The following NOTCH3 variants were observed in gnomAD, a reference collection of about 807,000 sequenced individuals.
NOTCH3 encodes the protein notch receptor 3, also known as neurogenic locus notch homolog protein 3.
NOTCH3 carries 86 observed loss-of-function variants against 213.3 expected under a neutral mutation model. The ratio of observed to expected loss-of-function variants is 0.40; its 90% CI spans 0.34 to 0.48. The LOEUF is 0.48. Among genes scored for constraint, NOTCH3 ranks in the 20% least tolerant of loss-of-function variants. NOTCH3 has a pLI of 0.57. For synonymous variants in NOTCH3, 1,354 were observed against 1,355.9 expected, an observed-to-expected ratio of 1.00 and a Z score of 0.03; for missense variants, 2,783 against 3,272.6, an observed-to-expected ratio of 0.85 and a Z score of 3.65.
At chr19:15,181,499 C>A in intron 17 of NOTCH3, 77 bp downstream of exon 17, 1 of 1,239,000 alleles carries the variant, frequency 8.1e-7, no homozygotes, top group South Asian at 1.3e-5. Context: ...CAAGTCGTTG[C>A]TGTCCCCACT....
intron 32 of NOTCH3, among the ~76,000 whole-genome samples, chr19:15,161,967 CTT>C (rs934794716): frequency 1.4e-5 from 2 of 138,834 alleles, no homozygotes; most frequent in South Asian, 2.3e-4. Context: ...TTAGGCATAA[CTT>C]TTTTTTTCTT....
In NOTCH3 at chr19:15,193,686, G is replaced by T. The variant is rs1350780927; in HGVS notation, c.198-1167C>A. 2.0e-5 allele frequency among the ~76,000 whole-genome samples: 3 copies of T among 148,796 alleles called. No individual in the cohort carries two copies. In the Admixed American group the frequency reaches 2.1e-4, roughly 10 times the overall value. ...CTCTGGAGGCTGAGGCAGGAGAATC[G>T]CTTGAACCCAGGAGGCGGAGGTTGC... On this transcript the variant is annotated intron_variant, in intron 2 of 32. Coordinates refer to ENST00000263388, the MANE Select transcript of NOTCH3 (RefSeq NM_000435.3).
In NOTCH3 at chr19:15,169,759, C is replaced by G. The variant is rs73506334; in HGVS notation, c.5199+327G>C. 1.3e-3 allele frequency among the ~76,000 whole-genome samples: 197 copies of G among 152,292 alleles called. 1 individual carries two copies. Among genetic ancestry groups the G allele is most frequent in the African/African-American group, 4.5e-3 (186 of 41,548 alleles). On this transcript the variant is annotated intron_variant, in intron 28 of 32. Coordinates refer to ENST00000263388, the MANE Select transcript of NOTCH3 (RefSeq NM_000435.3). ...GGAACTGACAGAGATAAGGCAGACT[C>G]GCTCTCTGGGCTGGGGGGACACCTC...
Position 15,191,946 on chromosome 19 carries a change from T to C in NOTCH3, c.679+14A>G. The C allele has an allele frequency of 6.2e-7, 1 of 1,613,442 alleles. No homozygotes were observed. Among genetic ancestry groups the C allele is most frequent in the Non-Finnish European group, 8.5e-7 (1 of 1,180,004 alleles). On this transcript the variant is annotated intron_variant, in intron 4 of 32. Transcript: ENST00000263388. ...CGCCCACCCCTCTGACTCTCCTGAG[T>C]AGGGCTCACTCACCAGGAAGACAGG...
rs1356104476 is a variant in NOTCH3 at position 15,177,729 on chromosome 19, C to A, written c.4199G>T (p.Arg1400Leu). The change falls in exon 24 of 33, where the codon CGC (arginine) becomes CTC (leucine). Residue 1400 changes from arginine (R) to leucine (L), a missense_variant. Around this residue, in one of 6 missense-constraint regions of NOTCH3, gnomAD observed 133 missense variants for 201.9 expected, o/e 0.66. Coordinates refer to ENST00000263388, the MANE Select transcript of NOTCH3 (RefSeq NM_000435.3). The part of the protein sequence containing the change: ...AACQAKRGDQ[R>L]CDRECNSPGC... ...TGGGCTGTTGCACTCGCGGTCGCAG[C>A]GCTGGTCCCCGCGCTTGGCCTGGCA... 16 of 1,508,276 alleles carry A rather than the reference C, an allele frequency of 1.1e-5. No homozygotes were observed. The highest frequency in any genetic ancestry group is 1.3e-5 in the Non-Finnish European group (15 of 1,135,090). 93.4% of individuals were successfully genotyped at this position (1,508,276 alleles called of 1,614,324 possible).
intron 2 of NOTCH3, among the ~76,000 whole-genome samples, 194 bp from the exon 3 acceptor site, chr19:15,192,713 A>G (rs1426331071): frequency 6.6e-6 from 1 of 152,170 alleles, no homozygotes; most frequent in Non-Finnish European, 1.5e-5. Flanking sequence ...TCAGGAGTTC[A>G]AGACCAGCCT....
chr19:15,161,473 C>T lies in NOTCH3; in HGVS notation c.6155G>A (p.Gly2052Asp), dbSNP rs2145382941. The T allele has an allele frequency of 6.3e-7, 1 of 1,576,026 alleles. No homozygotes were observed. Among genetic ancestry groups the T allele is most frequent in the Non-Finnish European group, 8.6e-7 (1 of 1,160,564 alleles). ...LLCPPGAFLP[G>D]LKAAQSGSKK... ...GGACCCCGACTGTGCCGCTTTGAGG[C>T]CAGGGAGGAAGGCCCCTGGAGGACA... Residue 2052 changes from glycine (G) to aspartate (D), a missense_variant, in exon 33 of 33, where the codon GGC becomes GAC. Physicochemically the swap from Gly to Asp is moderately conservative, Grantham distance 94. This residue lies in a region of NOTCH3 where 441 missense variants were observed against 432.1 expected (regional missense o/e 1.02). Transcript: ENST00000263388.
chr19:15,186,446 C>A (rs2046882486), intron 12 of NOTCH3, among the ~76,000 whole-genome samples: 1 of 150,458 alleles, frequency 6.6e-6, no homozygotes, highest in Non-Finnish European at 1.5e-5. Flanking sequence ...ACTCTGTCGC[C>A]CAGACTGGAG....
Position 15,170,522 on chromosome 19 carries a change from G to C in NOTCH3, c.4923C>G (p.Val1641=). The change falls in exon 27 of 33, where the codon GTC becomes GTG. Residue 1641 remains valine (V), a synonymous_variant. Transcript: ENST00000263388. ...GEPLEPPEPS[V]PLLPLLVAGA... is the part of the protein sequence containing the mutation. ...CCGCCACTAGCAGTGGCAGCAGCGG[G>C]ACGCTGGGTTCTGGAGGCTCCAGCG... is the stretch of plus-strand genomic sequence containing the variant. The C allele has an allele frequency of 6.2e-7, 1 of 1,610,188 alleles. No homozygotes were observed. Among genetic ancestry groups the C allele is most frequent in the Non-Finnish European group, 8.5e-7 (1 of 1,179,928 alleles).
intron 24 of NOTCH3, 133 bp downstream of exon 24, chr19:15,177,392 G>T (rs866872917): frequency 1.3e-6 from 1 of 794,222 alleles, no homozygotes; most frequent in African/African-American, 1.7e-5. Flanking sequence ...GGGACACACC[G>T]ATGGGCAGAT....
At position 15,179,082 on chromosome 19, in the gene NOTCH3, C is replaced by T. The variant is rs1012662593; in HGVS notation, c.3661G>A (p.Asp1221Asn). 11 of 1,614,108 alleles carry T rather than the reference C, an allele frequency of 6.8e-6. No individual in the cohort carries two copies. In the African/African-American group the frequency reaches 1.1e-4, roughly 16 times the overall value. ...CCTCCGCCTGGGTCCTGCAGGCAGT[C>T]CCGGGTGTGTGCCGCGTGGCAGGCA... Reference protein sequence around the residue: ...SGACHAAHTRDCLQDPGGGFR... With the variant: ...SGACHAAHTRNCLQDPGGGFR... Residue 1221 changes from aspartate (D) to asparagine (N), a missense_variant, in exon 22 of 33, where the codon GAC (aspartate) becomes AAC (asparagine). Coordinates refer to ENST00000263388, the MANE Select transcript of NOTCH3 (RefSeq NM_000435.3).
At chr19:15,198,747 A>G (rs2046988449) in intron 1 of NOTCH3, among the ~76,000 whole-genome samples, 1 of 151,720 alleles carries the variant, frequency 6.6e-6, no homozygotes, top group Non-Finnish European at 1.5e-5. Flanking sequence ...GCCAAACTCC[A>G]TCTCCAAAAA....
chr19:15,165,289 G>T lies in NOTCH3; in HGVS notation c.5815+79C>A. The T allele has an allele frequency of 6.9e-7, 1 of 1,440,306 alleles. No individual in the cohort carries two copies. Among genetic ancestry groups the T allele is most frequent in the Non-Finnish European group, 9.7e-7 (1 of 1,034,424 alleles). 89.2% of individuals were successfully genotyped at this position (1,440,306 alleles called of 1,614,324 possible). ...CTTCAGTGATTGGGTCTCAACATGG[G>T]TATGAATTTGCACCAACATGACCCT... On this transcript the variant is annotated intron_variant, in intron 31 of 32. Coordinates refer to ENST00000263388, the MANE Select transcript of NOTCH3 (RefSeq NM_000435.3). The surrounding 1 kb of genome is among the most constrained non-coding windows in gnomAD (Gnocchi z 4.7).
In NOTCH3 at chr19:15,161,355, G is replaced by A; in HGVS notation, c.6273C>T (p.Pro2091=). 6.6e-7 allele frequency: 1 copy of A among 1,525,692 alleles called. No homozygotes were observed. Among genetic ancestry groups the A allele is most frequent in the Non-Finnish European group, 8.8e-7 (1 of 1,138,134 alleles). 94.5% of individuals were successfully genotyped at this position (1,525,692 alleles called of 1,614,324 possible). A position where few individuals can be genotyped will look rare whatever the true frequency, so the allele number is the denominator to read the frequency against. ...GKKLTLACPG[P]LADSSVTLSP... ...ACAGCGTGACCGAGCTGTCAGCCAG[G>A]GGGCCCGGGCAGGCCAGCGTCAGCT... The change falls in exon 33 of 33, where the codon CCC becomes CCT. Residue 2091 remains proline, a synonymous_variant. Coordinates refer to ENST00000263388, the MANE Select transcript of NOTCH3 (RefSeq NM_000435.3).
intron 32 of NOTCH3, 76 bp from the exon 33 acceptor site, chr19:15,161,790 C>T (rs1028582118): frequency 3.7e-5 from 49 of 1,322,000 alleles, no homozygotes; most frequent in African/African-American, 5.8e-5. Flanking sequence ...CTTGGGGGAG[C>T]CCGAGAGCTA....
Position 15,180,944 on chromosome 19 carries a change from C to G in NOTCH3, c.2994+17G>C, listed in dbSNP as rs1478392299. On this transcript the variant is annotated intron_variant, in intron 18 of 32. Transcript: ENST00000263388. ...CCAGGCAGGCTCCTCCCCCAGGTCC[C>G]CAGTAACTCCACCCACCTGGCACTG... The G allele has an allele frequency of 6.3e-7, 1 of 1,586,016 alleles. No individual in the cohort carries two copies. Among genetic ancestry groups the G allele is most frequent in the Admixed American group, 1.8e-5 (1 of 55,916 alleles).
In NOTCH3 at chr19:15,192,431, A is replaced by T; in HGVS notation, c.286T>A (p.Ser96Thr). The change falls in exon 3 of 33, where the codon TCA (serine) becomes ACA (threonine). Residue 96 changes from serine to threonine, a missense_variant. Transcript: ENST00000263388. ...AATCGGGCGGTGCCAGCCACCACTGAACTCTGGCAGACACCACGGCCAGCA... is the reference window on the plus strand; with the variant it reads ...AATCGGGCGGTGCCAGCCACCACTGTACTCTGGCAGACACCACGGCCAGCA... ...PCAGRGVCQS[S>T]VVAGTARFSC... 1.2e-6 allele frequency: 2 copies of T among 1,612,704 alleles called. No individual in the cohort carries two copies. Among genetic ancestry groups the T allele is most frequent in the Non-Finnish European group, 1.7e-6 (2 of 1,179,960 alleles).
chr19:15,186,377 G>A (rs1038094791), intron 12 of NOTCH3, among the ~76,000 whole-genome samples: 3 of 57,716 alleles, frequency 5.2e-5, no homozygotes, highest in Non-Finnish European at 9.7e-5. Context: ...GTTTGTTTTT[G>A]TATGTGTGTG....
In NOTCH3 at chr19:15,170,347, C is replaced by A; in HGVS notation, c.5098G>T (p.Asp1700Tyr). 1 of 1,613,438 alleles carries A rather than the reference C, an allele frequency of 6.2e-7. No homozygotes were observed. The highest frequency in any genetic ancestry group is 8.5e-7 in the Non-Finnish European group (1 of 1,179,890). ...HKGRREPVGQ[D>Y]ALGMKNMAKG... ...GGTTCTCACTTCATGCCCAGCGCGT[C>A]CTGGCCCACGGGTTCCCGCCGGCCC... Residue 1700 changes from aspartate (D) to tyrosine (Y), a missense_variant, in exon 27 of 33, where the codon GAC (aspartate) becomes TAC (tyrosine). Transcript: ENST00000263388.
Sources: allele counts gnomAD v4.1 joint callset (sites outside exome capture counted in the v4.1 genomes callset), GRCh38; gene constraint gnomAD v4.1.1; regional missense constraint gnomAD v4.1.1; non-coding constraint Gnocchi (gnomAD v3.1); transcripts MANE v1.5; gene names NCBI Gene and HGNC (gene_info 2026-07-23, HGNC 2026-07-21).